The following ATP9B variants were observed in gnomAD, a reference collection of about 807,000 sequenced individuals.
ATP9B encodes the protein probable phospholipid-transporting ATPase IIB.
ATP9B carries 110 observed loss-of-function variants against 146.1 expected under a neutral mutation model. The observed-to-expected ratio is 0.75, with a 90% CI of 0.65 to 0.88. The LOEUF is 0.88. Among genes scored for constraint, ATP9B ranks in the 40% least tolerant of loss-of-function variants. The pLI is 0.00. For synonymous variants in ATP9B, 604 were observed against 569.7 expected, an observed-to-expected ratio of 1.06 and a Z score of -0.86; for missense variants, 1,499 against 1,496.4, an observed-to-expected ratio of 1.00 and a Z score of -0.03.
intron 2 of ATP9B, among the ~76,000 whole-genome samples, chr18:79,107,128 A>G (rs555432866): frequency 6.6e-6 from 1 of 152,306 alleles, no homozygotes; most frequent in African/African-American, 2.4e-5. Flanking sequence ...ATTTTGCTCT[A>G]TTTGAAATGC....
rs746979723 is a variant in ATP9B at position 79,096,650 on chromosome 18, G to A, written c.293+1G>A. 3.1e-6 allele frequency: 5 copies of A among 1,606,264 alleles called. No homozygotes were observed. In the Admixed American group the frequency reaches 6.7e-5, roughly 22 times the overall value. On this transcript the variant is annotated splice_donor_variant, in intron 2 of 29. Transcript: ENST00000426216. LOFTEE classifies it high-confidence loss of function. ...ATGGCTGGAAGTTCCTCTGTACCAGGTTTGTTATCCATTGCTACCTAATTT... is the reference window on the plus strand; with the variant it reads ...ATGGCTGGAAGTTCCTCTGTACCAGATTTGTTATCCATTGCTACCTAATTT...
chr18:79,075,656 T>C (rs1157493233), intron 1 of ATP9B, among the ~76,000 whole-genome samples: 1 of 152,244 alleles, frequency 6.6e-6, no homozygotes, highest in East Asian at 1.9e-4. Context: ...GCATGGTATA[T>C]AATTTTCCAT....
chr18:79,270,410 A>T (rs1018646043), intron 12 of ATP9B, among the ~76,000 whole-genome samples: 1 of 151,974 alleles, frequency 6.6e-6, no homozygotes, highest in Non-Finnish European at 1.5e-5. Flanking sequence ...AAATTGCAAA[A>T]CTCTCTTAAA....
chr18:79,083,046 A>G (rs932666402), intron 1 of ATP9B, among the ~76,000 whole-genome samples: 1 of 152,124 alleles, frequency 6.6e-6, no homozygotes, highest in South Asian at 2.1e-4. Flanking sequence ...GGAAGATGGG[A>G]GTTTTATCTA....
chr18:79,323,051 G>A (rs966778957), intron 15 of ATP9B, among the ~76,000 whole-genome samples: 1 of 152,158 alleles, frequency 6.6e-6, no homozygotes, highest in Non-Finnish European at 1.5e-5. Flanking sequence ...TGATCAAATC[G>A]GTAATTGGGA....
intron 8 of ATP9B, among the ~76,000 whole-genome samples, chr18:79,188,039 G>A (rs1162504256): frequency 6.6e-6 from 1 of 151,990 alleles, no homozygotes; most frequent in Non-Finnish European, 1.5e-5. Context: ...ACGCCCTTTA[G>A]CTGTGCTACC....
At chr18:79,368,829 G>A (rs1043466461) in intron 26 of ATP9B, among the ~76,000 whole-genome samples, 12 of 151,712 alleles carry the variant, frequency 7.9e-5, no homozygotes, top group Non-Finnish European at 1.3e-4. Flanking sequence ...CACCCTCGTC[G>A]TTGGCACGTC....
At chr18:79,252,225 C>A (rs531043328) in intron 11 of ATP9B, among the ~76,000 whole-genome samples, 1 of 152,244 alleles carries the variant, frequency 6.6e-6, no homozygotes, top group Non-Finnish European at 1.5e-5. Flanking sequence ...CCATGCGCTC[C>A]CTCTTCGCAT....
At chr18:79,224,099 C>G (rs1017875090) in intron 11 of ATP9B, among the ~76,000 whole-genome samples, 1 of 152,150 alleles carries the variant, frequency 6.6e-6, no homozygotes, top group Admixed American at 6.5e-5. Flanking sequence ...TTGACAGTAT[C>G]TCATCATTTC....
intron 15 of ATP9B, among the ~76,000 whole-genome samples, chr18:79,316,336 C>G (rs1037857568): frequency 1.3e-5 from 2 of 152,172 alleles, no homozygotes; most frequent in Non-Finnish European, 2.9e-5. Context: ...AACCTTCCAC[C>G]CGCCGCCTGA....
At chr18:79,220,734 C>G (rs552561056) in intron 11 of ATP9B, among the ~76,000 whole-genome samples, 3 of 152,320 alleles carry the variant, frequency 2.0e-5, no homozygotes, top group Non-Finnish European at 4.4e-5. Context: ...GTCTTATATT[C>G]GGTTGCTTGT....
intron 20 of ATP9B, among the ~76,000 whole-genome samples, chr18:79,343,043 A>T (rs2096867504): frequency 2.0e-5 from 3 of 152,216 alleles, no homozygotes; most frequent in African/African-American, 7.2e-5. Context: ...GTCTTGATTT[A>T]TGGTGAGTGA....
chr18:79,345,907 T>G, intron 23 of ATP9B, 68 bp downstream of exon 23: 1 of 1,556,240 alleles, frequency 6.4e-7, no homozygotes, highest in South Asian at 1.1e-5. Context: ...CAGCACATGC[T>G]GGGCCACTGT....
intron 1 of ATP9B, among the ~76,000 whole-genome samples, chr18:79,082,475 A>G (rs2073370524): frequency 6.6e-6 from 1 of 152,144 alleles, no homozygotes; most frequent in South Asian, 2.1e-4. Flanking sequence ...CCTTTGGAGG[A>G]GAAGAGGCGT....
At chr18:79,338,634 C>T (rs763702683) in intron 19 of ATP9B, among the ~76,000 whole-genome samples, 5 of 152,182 alleles carry the variant, frequency 3.3e-5, no homozygotes, top group South Asian at 2.1e-4. Context: ...ACGCTCCCTG[C>T]CCACCGACCT....
At chr18:79,312,657 G>A (rs1449222781) in intron 15 of ATP9B, among the ~76,000 whole-genome samples, 2 of 152,224 alleles carry the variant, frequency 1.3e-5, no homozygotes, top group Admixed American at 1.3e-4. Flanking sequence ...ATGGTGCGGG[G>A]AGCTACTGGT....
rs528620112 is a variant in ATP9B at position 79,300,937 on chromosome 18, C to T, written c.1412-2667C>T. On this transcript the variant is annotated intron_variant, in intron 13 of 29. Coordinates refer to ENST00000426216, the MANE Select transcript of ATP9B (RefSeq NM_198531.5). ...ACTGCATAGGATTTATGCCTCATTA[C>T]GATTCCCCACCCTAAATCATCATGC... Among the ~76,000 whole-genome samples, 9 of 152,296 alleles carry T rather than the reference C, an allele frequency of 5.9e-5. No homozygotes were observed. The South Asian group carries it at 1.7e-3, about 28-fold the overall frequency.
At chr18:79,372,767 G>A in intron 26 of ATP9B, 58 bp from the exon 27 acceptor site, 1 of 1,147,218 alleles carries the variant, frequency 8.7e-7, no homozygotes, top group Non-Finnish European at 1.3e-6. Context: ...ACTCCTGGAA[G>A]GCGTGAGTCA....
intron 7 of ATP9B, among the ~76,000 whole-genome samples, chr18:79,168,429 CA>C (rs1324211241): frequency 6.7e-6 from 1 of 149,078 alleles, no homozygotes; most frequent in African/African-American, 2.5e-5. Flanking sequence ...TTCAGGAAGT[CA>C]ACTCTTGGTT....
Sources: allele counts gnomAD v4.1 joint callset (sites outside exome capture counted in the v4.1 genomes callset), GRCh38; gene constraint gnomAD v4.1.1; transcripts MANE v1.5; gene names NCBI Gene and HGNC (gene_info 2026-07-23, HGNC 2026-07-21).